SMARCC1: variants seen among roughly 807,000 people sequenced by gnomAD.
SMARCC1 encodes the protein SWI/SNF complex subunit SMARCC1.
Under a neutral mutation model 147.4 loss-of-function variants are expected in SMARCC1, and 43 were observed. The ratio of observed to expected loss-of-function variants is 0.29; its 90% confidence interval spans 0.23 to 0.38. The LOEUF (loss-of-function observed/expected upper bound fraction) is 0.38. Ranked by LOEUF, SMARCC1 falls within the 10% of genes least tolerant of loss-of-function variation. SMARCC1 has a pLI of 1.00. For synonymous variants in SMARCC1, 495 were observed against 484.4 expected, an observed-to-expected ratio of 1.02 and a Z score of -0.29; for missense variants, 1,119 against 1,381.1, an observed-to-expected ratio of 0.81 and a Z score of 3.01.
chr3:47,693,829 A>T (rs1362042951), intron 11 of SMARCC1, among the ~76,000 whole-genome samples: 1 of 151,956 alleles, frequency 6.6e-6, no homozygotes, highest in African/African-American at 2.4e-5. Flanking sequence ...CACCTAGTTA[A>T]TTTTTGTATT....
At chr3:47,608,675 A>G (rs1386224197) in intron 26 of SMARCC1, among the ~76,000 whole-genome samples, 4 of 151,850 alleles carry the variant, frequency 2.6e-5, no homozygotes, top group Admixed American at 6.6e-5. Context: ...GCGAAACCCT[A>G]TCTTTATAAA....
intron 24 of SMARCC1, among the ~76,000 whole-genome samples, chr3:47,631,274 C>T (rs2032886776): frequency 1.3e-5 from 2 of 152,072 alleles, no homozygotes; most frequent in Admixed American, 6.6e-5. Context: ...ACCATGTTGC[C>T]ACGAATACAA....
In SMARCC1 at chr3:47,659,323, C is replaced by A. The variant is rs188227667; in HGVS notation, c.2320+1971G>T. On this transcript the variant is annotated intron_variant, in intron 21 of 27. Coordinates refer to ENST00000254480, the MANE Select transcript of SMARCC1 (RefSeq NM_003074.4). ...AAAAAAGAACAATTCCTAACTTATT[C>A]TTTGAGGCTGGTTATTACCGTAATA... Among the ~76,000 whole-genome samples the A allele has an allele frequency of 3.7e-4, 56 of 149,418 alleles. 1 individual carries two copies. In the East Asian group the frequency reaches 5.9e-3, roughly 16 times the overall value.
chr3:47,772,682 T>C, intron 2 of SMARCC1, 135 bp downstream of exon 2: 1 of 728,340 alleles, frequency 1.4e-6, no homozygotes, highest in South Asian at 2.5e-5. Flanking sequence ...TAATATTCTA[T>C]AACTAAAATT....
chr3:47,730,274 G>A (rs1330998483), intron 5 of SMARCC1, among the ~76,000 whole-genome samples: 1 of 152,210 alleles, frequency 6.6e-6, no homozygotes, highest in African/African-American at 2.4e-5. Flanking sequence ...GATCACTTGA[G>A]CCTAGGAGTT....
intron 9 of SMARCC1, among the ~76,000 whole-genome samples, chr3:47,708,491 G>A (rs2034045305): frequency 6.6e-6 from 1 of 151,928 alleles, no homozygotes; most frequent in African/African-American, 2.4e-5. Context: ...AAAAATAAAT[G>A]AATAAACAAA....
At chr3:47,743,456 G>A (rs2034532038) in intron 3 of SMARCC1, among the ~76,000 whole-genome samples, 1 of 151,478 alleles carries the variant, frequency 6.6e-6, no homozygotes, top group African/African-American at 2.4e-5. Flanking sequence ...TTTGAGACAA[G>A]CCACTGCACC....
intron 24 of SMARCC1, among the ~76,000 whole-genome samples, chr3:47,623,660 C>T (rs2032767232): frequency 1.3e-5 from 2 of 152,150 alleles, no homozygotes; most frequent in African/African-American, 2.4e-5. Flanking sequence ...TATCATTGTA[C>T]AATGTTATAC....
chr3:47,746,892 G>A (rs565035171), intron 2 of SMARCC1, among the ~76,000 whole-genome samples: 12 of 151,862 alleles, frequency 7.9e-5, no homozygotes, highest in South Asian at 4.2e-4. Context: ...GACCACGCCC[G>A]GCTAATTTTG....
At chr3:47,711,216 C>A (rs907379758) in intron 8 of SMARCC1, among the ~76,000 whole-genome samples, 1 of 152,116 alleles carries the variant, frequency 6.6e-6, no homozygotes, top group South Asian at 2.1e-4. Context: ...TCGCAGAGGC[C>A]GATCACCTGC....
chr3:47,726,947 C>T (rs931789104), intron 6 of SMARCC1, among the ~76,000 whole-genome samples: 6 of 151,960 alleles, frequency 3.9e-5, no homozygotes, highest in African/African-American at 1.5e-4. Flanking sequence ...TGGTGACTCA[C>T]GCCTCTAATA....
chr3:47,625,009 G>A (rs926319087), intron 24 of SMARCC1, among the ~76,000 whole-genome samples: 2 of 151,442 alleles, frequency 1.3e-5, no homozygotes, highest in Admixed American at 6.6e-5. Flanking sequence ...CAGCCTAGGC[G>A]ACAGAGCAAG....
At chr3:47,683,518 T>C (rs1343025134) in intron 14 of SMARCC1, among the ~76,000 whole-genome samples, 3 of 152,212 alleles carry the variant, frequency 2.0e-5, no homozygotes, top group African/African-American at 7.2e-5. Flanking sequence ...CCTTTAAAAA[T>C]AACACGGTAA....
At chr3:47,591,389 A>G (rs1450626021) in intron 26 of SMARCC1, among the ~76,000 whole-genome samples, 1 of 151,018 alleles carries the variant, frequency 6.6e-6, no homozygotes, top group Admixed American at 6.7e-5. Flanking sequence ...CTCCCATTAA[A>G]AGCCTCATGT....
intron 14 of SMARCC1, among the ~76,000 whole-genome samples, chr3:47,683,543 C>T (rs1407286710): frequency 1.3e-5 from 2 of 151,912 alleles, no homozygotes; most frequent in Non-Finnish European, 2.9e-5. Flanking sequence ...TGAGAGCAGG[C>T]AAAAGGTATA....
intron 27 of SMARCC1, among the ~76,000 whole-genome samples, chr3:47,588,524 G>A (rs1259366932): frequency 3.3e-5 from 5 of 152,080 alleles, no homozygotes; most frequent in African/African-American, 1.2e-4. Flanking sequence ...AGTGGCTGGG[G>A]AGTGGGAGGT....
chr3:47,731,657 A>G (rs940737069), intron 5 of SMARCC1, among the ~76,000 whole-genome samples: 1 of 152,234 alleles, frequency 6.6e-6, no homozygotes, highest in African/African-American at 2.4e-5. Flanking sequence ...ATGCATGGAA[A>G]TAACATTAAT....
intron 21 of SMARCC1, 36 bp from the exon 22 acceptor site, chr3:47,638,816 T>G: frequency 7.0e-7 from 1 of 1,438,498 alleles, no homozygotes; most frequent in Non-Finnish European, 9.8e-7. Context: ...TACTCCAATG[T>G]GGAAAAAGGT....
intron 2 of SMARCC1, among the ~76,000 whole-genome samples, chr3:47,748,610 G>C (rs1488003867): frequency 6.6e-6 from 1 of 152,106 alleles, no homozygotes. Context: ...CAAGAGATCT[G>C]TGCTTTACAG....
Sources: gnomAD v4.1 joint callset for allele counts (sites outside exome capture counted in the v4.1 genomes callset) on GRCh38, gnomAD v4.1.1 for gene constraint, MANE v1.5 for transcripts, NCBI Gene and HGNC (gene_info 2026-07-23, HGNC 2026-07-21) for gene names.